The following CCSER1 variants were observed in gnomAD, a reference collection of about 807,000 sequenced individuals.
The protein encoded by CCSER1 is coiled-coil serine rich protein 1.
CCSER1 carries 41 observed loss-of-function variants against 82.0 expected under a neutral mutation model. That is an observed-to-expected ratio of 0.50 (90% confidence interval 0.39 to 0.65). CCSER1 has a LOEUF of 0.65. Ranked by LOEUF, CCSER1 falls within the 30% of genes least tolerant of loss-of-function variation. CCSER1 has a pLI of 0.00. For synonymous variants in CCSER1, 414 were observed against 383.9 expected (o/e 1.08, Z -0.92); for missense variants, 1,119 against 1,064.2 (o/e 1.05, Z -0.72).
chr4:91,427,998 G>A (rs537006288), intron 10 of CCSER1, among the ~76,000 whole-genome samples: 4 of 151,878 alleles, frequency 2.6e-5, no homozygotes, highest in Non-Finnish European at 4.4e-5. Flanking sequence ...TCTTGAAAGG[G>A]TATAAAAGTG....
intron 1 of CCSER1, among the ~76,000 whole-genome samples, chr4:90,202,350 C>T (rs1354337919): frequency 2.0e-5 from 3 of 151,944 alleles, no homozygotes; most frequent in Non-Finnish European, 4.4e-5. Context: ...TTACAGGCAC[C>T]CGTCACCATG....
At chr4:91,499,587 G>C (rs1400523604) in intron 10 of CCSER1, among the ~76,000 whole-genome samples, 1 of 151,926 alleles carries the variant, frequency 6.6e-6, no homozygotes. Context: ...ATATCATACA[G>C]AATAGGTTTA....
At chr4:90,979,194 A>C (rs1279492838) in intron 9 of CCSER1, among the ~76,000 whole-genome samples, 1 of 151,392 alleles carries the variant, frequency 6.6e-6, no homozygotes, top group Non-Finnish European at 1.5e-5. Flanking sequence ...GTATGTATAC[A>C]AAACATTTTA....
chr4:91,479,318 A>G (rs1757761554), intron 10 of CCSER1, among the ~76,000 whole-genome samples: 1 of 152,070 alleles, frequency 6.6e-6, no homozygotes, highest in African/African-American at 2.4e-5. Flanking sequence ...AAGCTTCTGT[A>G]CATTAAAAAT....
intron 1 of CCSER1, among the ~76,000 whole-genome samples, chr4:90,289,537 T>C (rs1730538801): frequency 6.6e-6 from 1 of 151,826 alleles, no homozygotes; most frequent in Non-Finnish European, 1.5e-5. Context: ...ATTTCCAGAG[T>C]ATCTGTACAC....
intron 10 of CCSER1, among the ~76,000 whole-genome samples, chr4:91,520,601 G>A (rs1485141580): frequency 2.0e-5 from 3 of 152,092 alleles, no homozygotes; most frequent in African/African-American, 7.2e-5. Flanking sequence ...TACCTGTGTA[G>A]TTTCCTTTAC....
At chr4:91,308,726 A>G (rs1033623198) in intron 10 of CCSER1, among the ~76,000 whole-genome samples, 16 of 152,012 alleles carry the variant, frequency 1.1e-4, no homozygotes, top group African/African-American at 3.9e-4. Flanking sequence ...CTATTTTTTC[A>G]AAGAATGTTA....
chr4:91,323,738 T>C (rs1489708116), intron 10 of CCSER1, among the ~76,000 whole-genome samples: 2 of 152,186 alleles, frequency 1.3e-5, no homozygotes, highest in Non-Finnish European at 2.9e-5. Context: ...TAACATAAGC[T>C]TTCTGAACAT....
chr4:90,231,074 A>C (rs2153427771), intron 1 of CCSER1, among the ~76,000 whole-genome samples: 1 of 152,300 alleles, frequency 6.6e-6, no homozygotes, highest in East Asian at 1.9e-4. Context: ...TCCTTCTGAA[A>C]CTATTCCAAT....
intron 10 of CCSER1, among the ~76,000 whole-genome samples, chr4:91,303,027 G>A (rs1170669579): frequency 6.6e-6 from 1 of 151,974 alleles, no homozygotes; most frequent in East Asian, 1.9e-4. Flanking sequence ...CAATCACTCA[G>A]TAATGACCAC....
chr4:90,894,942 T>C (rs1723489934), intron 8 of CCSER1, among the ~76,000 whole-genome samples: 1 of 152,038 alleles, frequency 6.6e-6, no homozygotes, highest in Non-Finnish European at 1.5e-5. Flanking sequence ...CTAATTAATT[T>C]AGATTAATCA....
chr4:90,488,102 A>T (rs1767400742), intron 5 of CCSER1, among the ~76,000 whole-genome samples: 1 of 152,208 alleles, frequency 6.6e-6, no homozygotes, highest in South Asian at 2.1e-4. Context: ...CCTGTTCCTG[A>T]TTCATCAATT....
chr4:90,697,547 C>G (rs1737204233), intron 6 of CCSER1, among the ~76,000 whole-genome samples: 1 of 151,982 alleles, frequency 6.6e-6, no homozygotes, highest in African/African-American at 2.4e-5. Flanking sequence ...CAATTCTTAC[C>G]TACTTTTATT....
chr4:90,630,917 G>A (rs1184847542), intron 6 of CCSER1, among the ~76,000 whole-genome samples: 6 of 143,116 alleles, frequency 4.2e-5, no homozygotes, highest in South Asian at 2.3e-4. Context: ...TATTTGAGAT[G>A]GAGTCTCGCT....
Position 90,829,888 on chromosome 4 carries a change from T to C in CCSER1, c.2094+14043T>C, listed in dbSNP as rs952823628. Among the ~76,000 whole-genome samples, 5 of 152,330 alleles carry C rather than the reference T, an allele frequency of 3.3e-5. No homozygotes were observed. The East Asian group carries it at 5.8e-4, about 18-fold the overall frequency. Reference sequence around the variant, plus strand: ...CACATTCAGTGTGTTTAGGGAGTTATATGCATGCCTATCTGAGGCTTCCTT... The same window carrying C: ...CACATTCAGTGTGTTTAGGGAGTTACATGCATGCCTATCTGAGGCTTCCTT... On this transcript the variant is annotated intron_variant, in intron 8 of 10. Transcript: ENST00000509176.
intron 1 of CCSER1, among the ~76,000 whole-genome samples, chr4:90,254,878 G>C (rs56719283): frequency 6.6e-6 from 1 of 151,780 alleles, no homozygotes; most frequent in Non-Finnish European, 1.5e-5. Flanking sequence ...ACCTGTTATG[G>C]TTGTTCCTCC....
chr4:91,511,088 C>T (rs757498488), intron 10 of CCSER1, among the ~76,000 whole-genome samples: 3 of 151,812 alleles, frequency 2.0e-5, no homozygotes, highest in Middle Eastern at 3.4e-3. Context: ...AATAGGGAGC[C>T]TTTCCACTTT....
At chr4:91,091,242 A>C (rs2148826388) in intron 10 of CCSER1, among the ~76,000 whole-genome samples, 1 of 152,202 alleles carries the variant, frequency 6.6e-6, no homozygotes, top group South Asian at 2.1e-4. Flanking sequence ...TACTTGTATC[A>C]TTTATGAGTC....
chr4:91,032,166 C>T (rs1471893677), intron 9 of CCSER1, among the ~76,000 whole-genome samples: 2 of 152,056 alleles, frequency 1.3e-5, no homozygotes, highest in African/African-American at 4.8e-5. Context: ...TCCATTAGTT[C>T]TCTTGCCTTT....
Sources: allele counts gnomAD v4.1 joint callset (sites outside exome capture counted in the v4.1 genomes callset), GRCh38; gene constraint gnomAD v4.1.1; transcripts MANE v1.5; gene names NCBI Gene and HGNC (gene_info 2026-07-23, HGNC 2026-07-21).